SLC71A2: variants seen among roughly 807,000 people sequenced by gnomAD.
SLC71A2 encodes solute carrier family 71 member 2.
chr9:94,433,969 T>C, the SLC71A2 span, among the ~76,000 whole-genome samples: 1 of 152,174 alleles, frequency 6.6e-6, no homozygotes, highest in Non-Finnish European at 1.5e-5. Flanking sequence ...TTATGCTTTA[T>C]AACAATGTAT....
the SLC71A2 span, chr9:94,447,009 G>T: frequency 1.2e-6 from 1 of 811,528 alleles, no homozygotes; most frequent in East Asian, 2.5e-5. Flanking sequence ...AAGATATTTT[G>T]AGGAAACCAC....
the SLC71A2 span, among the ~76,000 whole-genome samples, chr9:94,394,915 G>C: frequency 1.6e-5 from 1 of 64,184 alleles, no homozygotes; most frequent in African/African-American, 7.1e-5. Flanking sequence ...TACTTTTTTT[G>C]TTTTTTTTTT....
chr9:94,435,648 TTC>T, the SLC71A2 span, among the ~76,000 whole-genome samples: 33,353 of 113,140 alleles, frequency 0.29, 4,360 homozygotes, highest in Non-Finnish European at 0.33. Context: ...TTTTTCCTTC[TTC>T]TTTTTTTTTT....
chr9:94,416,423 C>G, the SLC71A2 span, among the ~76,000 whole-genome samples: 2 of 152,256 alleles, frequency 1.3e-5, no homozygotes, highest in South Asian at 4.2e-4. Flanking sequence ...TAAAGAATCC[C>G]TCTGGGTACG....
the SLC71A2 span, among the ~76,000 whole-genome samples, chr9:94,457,796 C>G: frequency 1.3e-5 from 2 of 152,200 alleles, no homozygotes. Flanking sequence ...TTTTGATTTA[C>G]AGAAACATTC....
chr9:94,414,949 C>T, the SLC71A2 span, among the ~76,000 whole-genome samples: 11 of 152,176 alleles, frequency 7.2e-5, no homozygotes, highest in African/African-American at 2.2e-4. Context: ...TGAGCCACCA[C>T]ACCCAACCGA....
the SLC71A2 span, among the ~76,000 whole-genome samples, chr9:94,450,959 CAG>C: frequency 3.9e-5 from 6 of 152,276 alleles, no homozygotes; most frequent in Middle Eastern, 3.4e-3. Context: ...GTCATACCGC[CAG>C]AGAGCCTGAT....
the SLC71A2 span, among the ~76,000 whole-genome samples, chr9:94,419,172 G>A: frequency 0.017 from 2,582 of 151,478 alleles, 93 homozygotes; most frequent in East Asian, 0.1. Flanking sequence ...GAAATACAGT[G>A]GCACAATAAT....
At chr9:94,423,425 T>C in the SLC71A2 span, among the ~76,000 whole-genome samples, 2 of 152,192 alleles carry the variant, frequency 1.3e-5, no homozygotes, top group East Asian at 3.8e-4. Flanking sequence ...GAAAAAGACA[T>C]AGGTCTACCC....
the SLC71A2 span, chr9:94,374,954 C>T: frequency 8.0e-7 from 1 of 1,255,370 alleles, no homozygotes; most frequent in Non-Finnish European, 1.0e-6. Flanking sequence ...GGCCCGGCTG[C>T]CTGAATCCCG....
the SLC71A2 span, among the ~76,000 whole-genome samples, chr9:94,455,754 C>A: frequency 2.0e-5 from 3 of 152,150 alleles, no homozygotes; most frequent in African/African-American, 7.2e-5. Flanking sequence ...GGACAAAGGT[C>A]TAAAGAGGAA....
chr9:94,406,333 G>C, the SLC71A2 span, among the ~76,000 whole-genome samples: 2 of 152,090 alleles, frequency 1.3e-5, no homozygotes, highest in Non-Finnish European at 2.9e-5. Context: ...CCCGCCTCCC[G>C]GGTTCAAGCG....
the SLC71A2 span, among the ~76,000 whole-genome samples, chr9:94,448,874 C>G: frequency 6.6e-6 from 1 of 152,232 alleles, no homozygotes; most frequent in Non-Finnish European, 1.5e-5. Context: ...CTCAAGTGAT[C>G]TGCCTGTTTC....
the SLC71A2 span, among the ~76,000 whole-genome samples, chr9:94,458,678 TTC>T: frequency 6.6e-6 from 1 of 152,202 alleles, no homozygotes; most frequent in Admixed American, 6.5e-5. Context: ...TTTGTTCAGA[TTC>T]TGTTTTCACC....
the SLC71A2 span, chr9:94,438,449 G>T: frequency 6.8e-6 from 11 of 1,614,038 alleles, no homozygotes; most frequent in East Asian, 2.5e-4. Flanking sequence ...CCTGTCTGAT[G>T]TGTGGGGGAG....
At chr9:94,440,941 A>G in the SLC71A2 span, 1 of 1,214,452 alleles carries the variant, frequency 8.2e-7, no homozygotes, top group South Asian at 1.3e-5. Context: ...GAAAGTGAAC[A>G]TACACTCCCT....
At chr9:94,409,740 A>G in the SLC71A2 span, among the ~76,000 whole-genome samples, 1 of 151,818 alleles carries the variant, frequency 6.6e-6, no homozygotes, top group African/African-American at 2.4e-5. Flanking sequence ...GTATGTTTAA[A>G]TATTTTAATA....
the SLC71A2 span, among the ~76,000 whole-genome samples, chr9:94,412,153 T>C: frequency 6.6e-6 from 1 of 152,236 alleles, no homozygotes; most frequent in Non-Finnish European, 1.5e-5. Flanking sequence ...GAATTTAGCT[T>C]AATTTTGCAT....
At chr9:94,411,472 G>T in the SLC71A2 span, among the ~76,000 whole-genome samples, 2 of 151,922 alleles carry the variant, frequency 1.3e-5, no homozygotes, top group African/African-American at 4.8e-5. Context: ...CTTGTACCTT[G>T]TCAGCTTTTA....
Sources: gnomAD v4.1 joint callset for allele counts (sites outside exome capture counted in the v4.1 genomes callset) on GRCh38, gnomAD v4.1.1 for gene constraint, MANE v1.5 for transcripts, NCBI Gene and HGNC (gene_info 2026-07-23, HGNC 2026-07-21) for gene names.